The following ATG4C variants were observed in gnomAD, a reference collection of about 807,000 sequenced individuals.
ATG4C encodes the protein autophagy related 4C cysteine peptidase.
ATG4C carries 56 observed loss-of-function variants against 57.6 expected under a neutral mutation model. The observed-to-expected ratio is 0.97, with a 90% confidence interval of 0.78 to 1.21. The LOEUF (loss-of-function observed/expected upper bound fraction) is 1.21. Ranked by LOEUF, ATG4C falls within the 50% of genes most tolerant of loss-of-function variation. ATG4C has a pLI of 0.00. For synonymous variants in ATG4C, 157 were observed against 174.1 expected (o/e 0.90, Z 0.78); for missense variants, 595 against 529.8 (o/e 1.12, Z -1.21).
chr1:62,850,361 A>G (rs1262406434), intron 10 of ATG4C, among the ~76,000 whole-genome samples: 1 of 152,152 alleles, frequency 6.6e-6, no homozygotes, highest in Non-Finnish European at 1.5e-5. Context: ...TGCTCTGTCT[A>G]CAGTCTAGAA....
intron 10 of ATG4C, among the ~76,000 whole-genome samples, chr1:62,852,163 G>A (rs905370645): frequency 4.6e-5 from 7 of 152,174 alleles, no homozygotes; most frequent in South Asian, 2.1e-4. Flanking sequence ...GGCTCAGGAC[G>A]CAAGGTGGGA....
intron 3 of ATG4C, among the ~76,000 whole-genome samples, chr1:62,811,752 T>C (rs1239675589): frequency 6.6e-6 from 1 of 152,196 alleles, no homozygotes; most frequent in African/African-American, 2.4e-5. Context: ...GATTTGTCTG[T>C]TTCTTCCTGA....
At chr1:62,808,655 T>C (rs1177414019) in intron 3 of ATG4C, among the ~76,000 whole-genome samples, 1 of 151,642 alleles carries the variant, frequency 6.6e-6, no homozygotes. Context: ...AAAAAGGGGG[T>C]TGTACAAAGT....
chr1:62,808,741 A>C (rs983774064), intron 3 of ATG4C, among the ~76,000 whole-genome samples: 2 of 152,120 alleles, frequency 1.3e-5, no homozygotes, highest in African/African-American at 4.8e-5. Flanking sequence ...AGAAATTACT[A>C]ATGACTTTTG....
intron 3 of ATG4C, among the ~76,000 whole-genome samples, chr1:62,814,404 A>G (rs377243398): frequency 5.3e-4 from 81 of 152,190 alleles, no homozygotes; most frequent in South Asian, 2.5e-3. Flanking sequence ...ATGAGAATAC[A>G]TGGAGACTGG....
intron 7 of ATG4C, among the ~76,000 whole-genome samples, chr1:62,829,473 G>A (rs113015095): frequency 0.012 from 1,874 of 152,008 alleles, 35 homozygotes; most frequent in African/African-American, 0.043. Flanking sequence ...ATTCTTATTT[G>A]TAATTTTAAG....
At chr1:62,784,569 T>G (rs1242825636) in intron 1 of ATG4C, among the ~76,000 whole-genome samples, 1 of 152,196 alleles carries the variant, frequency 6.6e-6, no homozygotes, top group African/African-American at 2.4e-5. Flanking sequence ...CTCTTTCCCC[T>G]GATCTATCGC....
chr1:62,853,751 C>A (rs1288042113), intron 10 of ATG4C, among the ~76,000 whole-genome samples: 1 of 152,094 alleles, frequency 6.6e-6, no homozygotes. Flanking sequence ...CGGCCAGTTA[C>A]AATTATTTAT....
At position 62,864,087 on chromosome 1, in the gene ATG4C, A is replaced by G. The variant is rs1399518624; in HGVS notation, c.1305A>G (p.Glu435=). 1 of 1,608,462 alleles carries G rather than the reference A, an allele frequency of 6.2e-7. No individual in the cohort carries two copies. The highest frequency in any genetic ancestry group is 2.2e-5 in the East Asian group (1 of 44,710). Residue 435 remains glutamate, a synonymous_variant, in exon 11 of 11, where the codon GAA becomes GAG. Coordinates refer to ENST00000317868, the MANE Select transcript of ATG4C (RefSeq NM_032852.4). ...ATTTTACATCTACTACAACCAATGA[A>G]GAAGACCTTTTTTCAGAGGATGAAA... ...DYDFTSTTTN[E]EDLFSEDEKK... is the part of the protein sequence containing the mutation.
chr1:62,816,102 T>C (rs1665262258), intron 3 of ATG4C, among the ~76,000 whole-genome samples: 1 of 152,214 alleles, frequency 6.6e-6, no homozygotes, highest in Admixed American at 6.6e-5. Context: ...AGCTTTTGTG[T>C]ATCTGAAAAC....
intron 1 of ATG4C, among the ~76,000 whole-genome samples, chr1:62,798,892 C>G (rs554147731): frequency 6.6e-6 from 1 of 152,154 alleles, no homozygotes; most frequent in Non-Finnish European, 1.5e-5. Context: ...ATCCACCCAC[C>G]TTGGCCTCCT....
chr1:62,864,059 A>T lies in ATG4C; in HGVS notation c.1277A>T (p.Tyr426Phe), dbSNP rs368772637. Reference sequence around the variant, plus strand: ...TTTGTAAATGGTCATTCCAGAGACTATGATTTTACATCTACTACAACCAAT... The same window carrying T: ...TTTGTAAATGGTCATTCCAGAGACTTTGATTTTACATCTACTACAACCAAT... ...FTFVNGHSRD[Y>F]DFTSTTTNEE... Residue 426 changes from tyrosine (Y) to phenylalanine (F), a missense_variant, in exon 11 of 11, where the codon TAT becomes TTT. Physicochemically the swap from Tyr to Phe is conservative, Grantham distance 22. Transcript: ENST00000317868. 3 of 1,600,158 alleles carry T rather than the reference A, an allele frequency of 1.9e-6. No homozygotes were observed. Among genetic ancestry groups the T allele is most frequent in the African/African-American group, 1.3e-5 (1 of 74,078 alleles).
intron 10 of ATG4C, among the ~76,000 whole-genome samples, chr1:62,844,567 G>T (rs1430342074): frequency 6.6e-6 from 1 of 151,970 alleles, no homozygotes; most frequent in East Asian, 1.9e-4. Flanking sequence ...GTAATATGTT[G>T]ATTTTGTTAA....
At chr1:62,851,926 T>C (rs1666530095) in intron 10 of ATG4C, among the ~76,000 whole-genome samples, 2 of 152,316 alleles carry the variant, frequency 1.3e-5, no homozygotes, top group South Asian at 4.1e-4. Context: ...GCGAAAATTG[T>C]AAGAAGCACC....
In ATG4C at chr1:62,812,522, T is replaced by G. The variant is rs1372850561; in HGVS notation, c.161-4053T>G. ...AAACCCATATTTTGCCCATACTGAA[T>G]GGGCAAAAGCTGGAAGCATTCCCTT... On this transcript the variant is annotated intron_variant, in intron 3 of 10. Coordinates refer to ENST00000317868, the MANE Select transcript of ATG4C (RefSeq NM_032852.4). Among the ~76,000 whole-genome samples, 24 of 152,152 alleles carry G rather than the reference T, an allele frequency of 1.6e-4. 1 individual carries two copies. The highest frequency in any genetic ancestry group is 1.6e-3 in the Admixed American group (24 of 15,266).
chr1:62,823,287 C>A (rs1665542634), intron 6 of ATG4C, among the ~76,000 whole-genome samples: 1 of 152,202 alleles, frequency 6.6e-6, no homozygotes, highest in Non-Finnish European at 1.5e-5. Context: ...TACTGTTTCC[C>A]TCGGTCCCAC....
intron 10 of ATG4C, among the ~76,000 whole-genome samples, chr1:62,860,221 A>AT (rs1461163982): frequency 6.6e-6 from 1 of 152,194 alleles, no homozygotes; most frequent in Non-Finnish European, 1.5e-5. Context: ...GTCATCTCCT[A>AT]TGATAACAGT....
chr1:62,794,507 C>G (rs568232752), intron 1 of ATG4C, among the ~76,000 whole-genome samples: 3 of 152,044 alleles, frequency 2.0e-5, no homozygotes, highest in African/African-American at 7.3e-5. Flanking sequence ...AGTCTCTCTG[C>G]TATCAGCCCT....
chr1:62,828,997 C>T (rs1374514166), intron 6 of ATG4C, 43 bp from the exon 7 acceptor site: 33 of 1,533,662 alleles, frequency 2.2e-5, no homozygotes, highest in Non-Finnish European at 2.9e-5. Context: ...CTGAAAATCG[C>T]TTTTATATAA....
Sources: allele counts gnomAD v4.1 joint callset (sites outside exome capture counted in the v4.1 genomes callset), GRCh38; gene constraint gnomAD v4.1.1; transcripts MANE v1.5; gene names NCBI Gene and HGNC (gene_info 2026-07-23, HGNC 2026-07-21).